NDUFA6: variants seen among roughly 807,000 people sequenced by gnomAD.
The protein encoded by NDUFA6 is NADH dehydrogenase [ubiquinone] 1 alpha subcomplex subunit 6.
Under a neutral mutation model 12.5 loss-of-function variants are expected in NDUFA6, and 10 were observed. The observed-to-expected ratio is 0.80, with a 90% CI of 0.49 to 1.35. The LOEUF (loss-of-function observed/expected upper bound fraction) is 1.35. Ranked by LOEUF, NDUFA6 falls within the 40% of genes most tolerant of loss-of-function variation. NDUFA6 has a pLI of 0.00. For missense variants in NDUFA6, 177 were observed against 173.5 expected, an observed-to-expected ratio of 1.02 and a Z score of -0.11; for synonymous variants, 66 against 63.0, an observed-to-expected ratio of 1.05 and a Z score of -0.23.
At chr22:42,090,458 G>A in intron 1 of NDUFA6, 148 bp downstream of exon 1, 1 of 973,412 alleles carries the variant, frequency 1.0e-6, no homozygotes, top group Non-Finnish European at 1.6e-6. Context: ...GCCCATGGTA[G>A]GCTCGGGTGA....
Position 42,085,717 on chromosome 22 carries a change from C to A in NDUFA6, c.*466G>T. 4.1e-6 allele frequency: 1 copy of A among 240,982 alleles called. No homozygotes were observed. The highest frequency in any genetic ancestry group is 5.0e-5 in the South Asian group (1 of 20,080). The allele number at this position is 240,982 out of a possible 1,614,324, so 14.9% of individuals were successfully genotyped here. On this transcript the variant is annotated 3_prime_UTR_variant, in exon 3 of 3. Coordinates refer to ENST00000498737, the MANE Select transcript of NDUFA6 (RefSeq NM_002490.6). ...CAAGTAGCGGAGCCAAGCCTTTGCA[C>A]ATCCATTTTCTTCAGAACCCAAGGA...
chr22:42,086,839 G>A (rs144610677), intron 2 of NDUFA6, among the ~76,000 whole-genome samples: 9 of 152,168 alleles, frequency 5.9e-5, no homozygotes, highest in African/African-American at 2.2e-4. Context: ...CTTTTTTTAT[G>A]GTTATAAAAT....
At chr22:42,090,481 G>A in intron 1 of NDUFA6, 125 bp downstream of exon 1, 1 of 1,210,532 alleles carries the variant, frequency 8.3e-7, no homozygotes, top group Non-Finnish European at 1.2e-6. Flanking sequence ...CTCTTCCCCT[G>A]AAGCACCCGC....
At position 42,086,208 on chromosome 22, in the gene NDUFA6, T is replaced by A; in HGVS notation, c.362A>T (p.Lys121Met). The A allele has an allele frequency of 1.2e-6, 2 of 1,614,208 alleles. No homozygotes were observed. The highest frequency in any genetic ancestry group is 1.7e-6 in the Non-Finnish European group (2 of 1,180,012). ...TCATGGATCGTGGCCAACATAGAAC[T>A]TGGATAGGAAATCCTTTGGCCTTGG... Reference protein sequence around the residue: ...EAPRPKDFLSKFYVGHDP With the variant: ...EAPRPKDFLSMFYVGHDP The change falls in exon 3 of 3, where the codon AAG (lysine) becomes ATG (methionine). Residue 121 changes from lysine (K) to methionine (M), a missense_variant. By Grantham distance (95) the Lys-to-Met change is moderately conservative (BLOSUM62 -1). This residue lies in a region of NDUFA6 where 62 missense variants were observed against 69.4 expected (regional missense o/e 0.89). Transcript: ENST00000498737.
intron 1 of NDUFA6, 180 bp from the exon 2 acceptor site, chr22:42,087,355 C>T: frequency 3.2e-6 from 2 of 618,340 alleles, no homozygotes; most frequent in Non-Finnish European, 5.8e-6. Flanking sequence ...TCTCAAGGAA[C>T]TTATTATTTG....
Position 42,090,664 on chromosome 22 carries a change from C to T in NDUFA6, c.81G>A (p.Glu27=), listed in dbSNP as rs1377610740. 1 of 1,614,220 alleles carries T rather than the reference C, an allele frequency of 6.2e-7. No homozygotes were observed. The highest frequency in any genetic ancestry group is 1.1e-5 in the South Asian group (1 of 91,090). The stretch of plus-strand genomic sequence containing the variant: ...AGAGCTCGCGCACCCTCCGCTTGGC[C>T]TCGTTCATGTCCCGACTGAAAATGG... ...VKPIFSRDMN[E]AKRRVRELYR... is the part of the protein sequence containing the mutation. Residue 27 remains glutamate, a synonymous_variant, in exon 1 of 3, where the codon GAG becomes GAA. Transcript: ENST00000498737.
intron 1 of NDUFA6, among the ~76,000 whole-genome samples, chr22:42,088,134 G>A (rs1307111038): frequency 6.7e-6 from 1 of 149,068 alleles, no homozygotes; most frequent in Non-Finnish European, 1.5e-5. Flanking sequence ...AAGGCTGGGC[G>A]CGGTGGCTCA....
At chr22:42,086,670 G>A (rs375217269) in intron 2 of NDUFA6, among the ~76,000 whole-genome samples, 1 of 152,174 alleles carries the variant, frequency 6.6e-6, no homozygotes, top group Admixed American at 6.5e-5. Context: ...ATGCTAACGT[G>A]ACTGGCCAGG....
In NDUFA6 at chr22:42,088,135, C is replaced by T. The variant is rs1299426466; in HGVS notation, c.140-960G>A. Among the ~76,000 whole-genome samples the T allele has an allele frequency of 8.3e-5, 12 of 144,554 alleles. No homozygotes were observed. The South Asian group carries it at 2.4e-3, about 29-fold the overall frequency. The allele number at this position is 144,554 out of a possible 152,430, so 94.8% of individuals were successfully genotyped here. A position where few individuals can be genotyped will look rare whatever the true frequency, so the allele number is the denominator to read the frequency against. Reference sequence around the variant, plus strand: ...AAAAAAAAAAAAAAAAGGCTGGGCGCGGTGGCTCACGCCTGTAATCCCAGC... The same window carrying T: ...AAAAAAAAAAAAAAAAGGCTGGGCGTGGTGGCTCACGCCTGTAATCCCAGC... On this transcript the variant is annotated intron_variant, in intron 1 of 2. Coordinates refer to ENST00000498737, the MANE Select transcript of NDUFA6 (RefSeq NM_002490.6).
chr22:42,087,017 C>T (rs751325920), intron 2 of NDUFA6, 43 bp downstream of exon 2: 2 of 1,339,666 alleles, frequency 1.5e-6, no homozygotes, highest in Non-Finnish European at 2.2e-6. Flanking sequence ...AAGTAGTGGA[C>T]AAGTTGGCTG....
Position 42,086,115 on chromosome 22 carries a change from G to T in NDUFA6, c.*68C>A. ...CATCAATGGAATTCTATCACAAAGT[G>T]ACCATTGTATAGTGAGTTTATTTGT... On this transcript the variant is annotated 3_prime_UTR_variant, in exon 3 of 3. Coordinates refer to ENST00000498737, the MANE Select transcript of NDUFA6 (RefSeq NM_002490.6). The T allele has an allele frequency of 1.2e-6, 2 of 1,605,178 alleles. No homozygotes were observed. The highest frequency in any genetic ancestry group is 1.1e-5 in the South Asian group (1 of 90,858).
Position 42,090,705 on chromosome 22 carries a change from T to C in NDUFA6, c.40A>G (p.Ser14Gly), listed in dbSNP as rs768305282. The change falls in exon 1 of 3, where the codon AGC becomes GGC. Residue 14 changes from serine to glycine, a missense_variant. By Grantham distance (56) the Ser-to-Gly change is moderately conservative. Coordinates refer to ENST00000498737, the MANE Select transcript of NDUFA6 (RefSeq NM_002490.6). ...SGVRQATSTA[S>G]TFVKPIFSRD... ...CTGAAAATGGGCTTCACGAAGGTGC[T>C]GGCGGTAGAAGTAGCTTGGCGGACG... 2 of 1,614,158 alleles carry C rather than the reference T, an allele frequency of 1.2e-6. No individual in the cohort carries two copies. Among genetic ancestry groups the C allele is most frequent in the Non-Finnish European group, 1.7e-6 (2 of 1,180,034 alleles).
chr22:42,086,638 G>T (rs1677708568), intron 2 of NDUFA6, among the ~76,000 whole-genome samples: 1 of 152,142 alleles, frequency 6.6e-6, no homozygotes, highest in Admixed American at 6.5e-5. Context: ...TTACTGACTG[G>T]TCTATGCTGA....
Position 42,090,698 on chromosome 22 carries a change from A to T in NDUFA6, c.47T>A (p.Phe16Tyr). Residue 16 changes from phenylalanine (F) to tyrosine (Y), a missense_variant, in exon 1 of 3, where the codon TTC (phenylalanine) becomes TAC (tyrosine). Phe to Tyr is a conservative substitution (Grantham distance 22). Transcript: ENST00000498737. ...GTCCCGACTGAAAATGGGCTTCACG[A>T]AGGTGCTGGCGGTAGAAGTAGCTTG... ...VRQATSTAST[F>Y]VKPIFSRDMN... The T allele has an allele frequency of 6.2e-7, 1 of 1,614,172 alleles. No individual in the cohort carries two copies. Among genetic ancestry groups the T allele is most frequent in the South Asian group, 1.1e-5 (1 of 91,086 alleles).
chr22:42,088,867 CAGCTGG>C (rs1928443190), intron 1 of NDUFA6, among the ~76,000 whole-genome samples: 1 of 151,974 alleles, frequency 6.6e-6, no homozygotes. Flanking sequence ...TTTGATTCCT[CAGCTGG>C]AGTCCTGATG....
intron 1 of NDUFA6, among the ~76,000 whole-genome samples, chr22:42,088,984 T>C (rs1283491884): frequency 6.6e-6 from 1 of 152,100 alleles, no homozygotes; most frequent in Admixed American, 6.6e-5. Flanking sequence ...CCCCTTCTTT[T>C]CTCTCCTCTT....
intron 1 of NDUFA6, 88 bp from the exon 2 acceptor site, chr22:42,087,263 G>T: frequency 9.7e-7 from 1 of 1,028,522 alleles, no homozygotes; most frequent in Non-Finnish European, 1.5e-6. Context: ...CATACAGGTC[G>T]CCCATTCATT....
Position 42,086,068 on chromosome 22 carries a change from AAG to A in NDUFA6, c.*113_*114del. On this transcript the variant is annotated 3_prime_UTR_variant, in exon 3 of 3. Coordinates refer to ENST00000498737, the MANE Select transcript of NDUFA6 (RefSeq NM_002490.6). ...CCAAGGTCCCACTTGCTCAGGCAAA[AAG>A]AGGCTGCAGAAAATTGGTTCATCAA... is the stretch of plus-strand genomic sequence containing the variant. 1.4e-6 allele frequency: 2 copies of A among 1,480,392 alleles called. No homozygotes were observed. The highest frequency in any genetic ancestry group is 1.9e-6 in the Non-Finnish European group (2 of 1,062,730). The allele number at this position is 1,480,392 out of a possible 1,614,324, so 91.7% of individuals were successfully genotyped here. A position where few individuals can be genotyped will look rare whatever the true frequency, so the allele number is the denominator to read the frequency against.
At chr22:42,087,260 G>A (rs1369948980) in intron 1 of NDUFA6, 85 bp from the exon 2 acceptor site, 2 of 1,052,462 alleles carry the variant, frequency 1.9e-6, no homozygotes, top group African/African-American at 1.6e-5. Flanking sequence ...ACACATACAG[G>A]TCGCCCATTC....
Sources: gnomAD v4.1 joint callset for allele counts (sites outside exome capture counted in the v4.1 genomes callset) on GRCh38, gnomAD v4.1.1 for gene constraint, gnomAD v4.1.1 regional missense constraint, MANE v1.5 for transcripts, NCBI Gene and HGNC (gene_info 2026-07-23, HGNC 2026-07-21) for gene names.